DCTD: variants seen among roughly 807,000 people sequenced by gnomAD.
DCTD encodes dCMP deaminase.
A neutral mutation model predicts 21.0 loss-of-function variants in DCTD; 23 were observed. That is an observed-to-expected ratio of 1.09 (90% confidence interval 0.79 to 1.55). The LOEUF (loss-of-function observed/expected upper bound fraction) is 1.55. DCTD is among the 40% of genes most tolerant of loss of function. The pLI, the probability that DCTD is intolerant of heterozygous loss-of-function variation, is 0.00. For synonymous variants in DCTD, 71 were observed against 81.1 expected (o/e 0.88, Z 0.67); for missense variants, 224 against 230.0 (o/e 0.97, Z 0.17).
In DCTD at chr4:182,894,520, A is replaced by G. The variant is rs1211066346; in HGVS notation, c.330T>C (p.Cys110=). 6.2e-7 allele frequency: 1 copy of G among 1,613,828 alleles called. No homozygotes were observed. Among genetic ancestry groups the G allele is most frequent in the Non-Finnish European group, 8.5e-7 (1 of 1,179,650 alleles). Residue 110 remains cysteine (C), a synonymous_variant, in exon 4 of 6, where the codon TGT becomes TGC. Transcript: ENST00000438320. ...GGATGATGAGCTTAGCGCATTCATT[A>G]CAAGGGAACAAGGCAACATACATAC... is the stretch of plus-strand genomic sequence containing the variant. ...GCSMYVALFP[C]NECAKLIIQA...
intron 3 of DCTD, among the ~76,000 whole-genome samples, chr4:182,899,070 C>T (rs1735245795): frequency 6.6e-6 from 1 of 152,214 alleles, no homozygotes; most frequent in South Asian, 2.1e-4. Context: ...TTTTTTCACA[C>T]AGCCAATCTC....
intron 3 of DCTD, among the ~76,000 whole-genome samples, chr4:182,913,479 G>A (rs1579778446): frequency 6.6e-6 from 1 of 152,190 alleles, no homozygotes; most frequent in Admixed American, 6.5e-5. Flanking sequence ...AGAAATTTAT[G>A]GGGCTTATTT....
At chr4:182,892,523 G>A (rs982519228) in intron 5 of DCTD, among the ~76,000 whole-genome samples, 1 of 152,112 alleles carries the variant, frequency 6.6e-6, no homozygotes, top group African/African-American at 2.4e-5. Context: ...GTGTGGCAGG[G>A]GAGGCTGAGG....
chr4:182,905,412 T>C (rs1411999941), intron 3 of DCTD, among the ~76,000 whole-genome samples: 1 of 142,820 alleles, frequency 7.0e-6, no homozygotes, highest in Non-Finnish European at 1.5e-5. Flanking sequence ...CACTGCAACC[T>C]CCGCCTCCCA....
intron 3 of DCTD, among the ~76,000 whole-genome samples, chr4:182,908,465 T>C (rs1737096168): frequency 6.6e-6 from 1 of 152,082 alleles, no homozygotes; most frequent in Admixed American, 6.5e-5. Context: ...GTGGATCACC[T>C]GAGGTCAGGA....
At chr4:182,909,757 G>A (rs968013062) in intron 3 of DCTD, among the ~76,000 whole-genome samples, 22 of 152,146 alleles carry the variant, frequency 1.4e-4, no homozygotes, top group Admixed American at 1.2e-3. Flanking sequence ...AATATATCAC[G>A]TGCATGGCAG....
At chr4:182,916,541 T>C in intron 1 of DCTD, 3 of 987,282 alleles carry the variant, frequency 3.0e-6, no homozygotes, top group Non-Finnish European at 3.6e-6. Flanking sequence ...CGGCAGTGCC[T>C]AAGACAAGGA....
intron 3 of DCTD, among the ~76,000 whole-genome samples, chr4:182,902,321 A>C (rs923378756): frequency 1.3e-5 from 2 of 152,180 alleles, no homozygotes; most frequent in Non-Finnish European, 2.9e-5. Context: ...TCACCTCTCT[A>C]TCTTATCTCT....
chr4:182,904,654 C>T (rs1424166047), intron 3 of DCTD, among the ~76,000 whole-genome samples: 1 of 152,170 alleles, frequency 6.6e-6, no homozygotes, highest in Admixed American at 6.5e-5. Flanking sequence ...GCTCCTGACA[C>T]TGCCCTACAT....
At chr4:182,904,718 A>C (rs13116598) in intron 3 of DCTD, among the ~76,000 whole-genome samples, 1 of 151,766 alleles carries the variant, frequency 6.6e-6, no homozygotes, top group Non-Finnish European at 1.5e-5. Flanking sequence ...TTCTCCCGGC[A>C]TCCAAGCTCC....
intron 1 of DCTD, chr4:182,916,825 G>T: frequency 9.2e-7 from 1 of 1,089,048 alleles, no homozygotes; most frequent in South Asian, 2.0e-5. Context: ...GTGGCTGAAC[G>T]CCCACTAGAG....
chr4:182,913,504 C>T (rs1016158810), intron 3 of DCTD, among the ~76,000 whole-genome samples: 14 of 152,152 alleles, frequency 9.2e-5, no homozygotes, highest in African/African-American at 3.4e-4. Context: ...TGATTGAGGT[C>T]CAGGAACATT....
At chr4:182,896,745 A>T (rs985640866) in intron 3 of DCTD, among the ~76,000 whole-genome samples, 1 of 152,060 alleles carries the variant, frequency 6.6e-6, no homozygotes, top group Non-Finnish European at 1.5e-5. Context: ...AAACAATTAC[A>T]TGTAATTGTT....
At chr4:182,891,931 A>G (rs4546291) in intron 5 of DCTD, among the ~76,000 whole-genome samples, 89,269 of 149,638 alleles carry the variant, frequency 0.6, 27,678 homozygotes, top group Non-Finnish European at 0.68. Flanking sequence ...TTCAAATTAC[A>G]TTCTAAAAAT....
intron 3 of DCTD, chr4:182,911,451 G>A (rs533902276): frequency 6.6e-6 from 1 of 152,188 alleles, no homozygotes; most frequent in East Asian, 1.9e-4. Context: ...ACCCCTCCCC[G>A]AGCTCCTGAT....
chr4:182,891,531 G>A, intron 5 of DCTD, 54 bp from the exon 6 acceptor site: 5 of 1,248,348 alleles, frequency 4.0e-6, no homozygotes, highest in Non-Finnish European at 5.9e-6. Flanking sequence ...AAAGCAATTT[G>A]TTTACTTTGG....
intron 1 of DCTD, chr4:182,916,580 C>T (rs1013732685): frequency 1.5e-5 from 15 of 991,564 alleles, no homozygotes; most frequent in Non-Finnish European, 1.8e-5. Flanking sequence ...CTGGGAACCA[C>T]GGTCACCCAC....
At chr4:182,901,024 T>C (rs972231090) in intron 3 of DCTD, among the ~76,000 whole-genome samples, 131 of 152,334 alleles carry the variant, frequency 8.6e-4, no homozygotes, top group African/African-American at 3.0e-3. Context: ...CTCTAGAAGT[T>C]TGACAAATTA....
chr4:182,908,851 C>T (rs756300042), intron 3 of DCTD, among the ~76,000 whole-genome samples: 19 of 152,122 alleles, frequency 1.2e-4, no homozygotes, highest in Non-Finnish European at 2.5e-4. Context: ...TTTCAACAAA[C>T]CTTTTATCTT....
Sources: allele counts gnomAD v4.1 joint callset (sites outside exome capture counted in the v4.1 genomes callset), GRCh38; gene constraint gnomAD v4.1.1; transcripts MANE v1.5; gene names NCBI Gene and HGNC (gene_info 2026-07-23, HGNC 2026-07-21).